Variants in XKR6 observed in about 807,000 individuals in gnomAD.
XKR6 encodes XK-related protein 6.
Under a neutral mutation model 56.7 loss-of-function variants are expected in XKR6, and 22 were observed. The observed-to-expected ratio is 0.39, with a 90% CI of 0.28 to 0.55. XKR6 has a LOEUF of 0.55. Among genes scored for constraint, XKR6 ranks in the 20% least tolerant of loss-of-function variants. The pLI is 0.66. For synonymous variants in XKR6, 524 were observed against 387.8 expected (o/e 1.35, Z -4.13); for missense variants, 852 against 889.0 (o/e 0.96, Z 0.53).
chr8:11,119,733 A>G (rs1655896533), intron 1 of XKR6, among the ~76,000 whole-genome samples: 1 of 152,172 alleles, frequency 6.6e-6, no homozygotes, highest in Non-Finnish European at 1.5e-5. Flanking sequence ...TGAATACAAC[A>G]TACTGAGAAT....
chr8:11,148,136 G>C (rs373023713), intron 1 of XKR6, among the ~76,000 whole-genome samples: 1 of 152,142 alleles, frequency 6.6e-6, no homozygotes, highest in Non-Finnish European at 1.5e-5. Flanking sequence ...CTTGAACTCA[G>C]GAGGCTGAGG....
At chr8:10,914,788 G>A (rs1249690219) in intron 2 of XKR6, among the ~76,000 whole-genome samples, 3 of 152,218 alleles carry the variant, frequency 2.0e-5, no homozygotes, top group African/African-American at 4.8e-5. Context: ...GGCTGTGGAA[G>A]CAGAGGGCTC....
At chr8:11,062,421 T>C (rs1799859213) in intron 1 of XKR6, among the ~76,000 whole-genome samples, 1 of 152,048 alleles carries the variant, frequency 6.6e-6, no homozygotes, top group East Asian at 1.9e-4. Flanking sequence ...TAGCCCCAAC[T>C]CTCCTTATCT....
intron 1 of XKR6, among the ~76,000 whole-genome samples, chr8:11,150,299 A>G (rs1460902545): frequency 1.3e-5 from 2 of 150,666 alleles, no homozygotes; most frequent in African/African-American, 4.8e-5. Context: ...ACCCAACTAG[A>G]TCATTATACA....
Position 10,949,190 on chromosome 8 carries a change from C to A in XKR6, c.765-24360G>T, listed in dbSNP as rs190012600. Among the ~76,000 whole-genome samples the A allele has an allele frequency of 4.2e-3, 641 of 152,362 alleles. 16 individuals are homozygous for A. The highest frequency in any genetic ancestry group is 0.039 in the Admixed American group (599 of 15,296). ...CTCTAGGGCCTGGAGCAAATCACCCCCCTACTCCCGCTTCCAGCCTCTCCC... is the reference window on the plus strand; with the variant it reads ...CTCTAGGGCCTGGAGCAAATCACCCACCTACTCCCGCTTCCAGCCTCTCCC... On this transcript the variant is annotated intron_variant, in intron 1 of 2. Coordinates refer to ENST00000416569, the MANE Select transcript of XKR6 (RefSeq NM_173683.4).
intron 1 of XKR6, among the ~76,000 whole-genome samples, chr8:10,925,803 C>G (rs1800865085): frequency 6.6e-6 from 1 of 152,102 alleles, no homozygotes; most frequent in Admixed American, 6.5e-5. Flanking sequence ...TATAATAACC[C>G]CAGCCTCAAT....
intron 1 of XKR6, among the ~76,000 whole-genome samples, chr8:11,196,937 A>AAGCATCTTCACCAGCCC (rs1803922407): frequency 6.6e-6 from 1 of 152,064 alleles, no homozygotes; most frequent in Non-Finnish European, 1.5e-5. Flanking sequence ...AAAAATAATA[A>AAGCATCTTCACCAGCCC]AGCATCTTCA....
At chr8:11,004,848 T>G (rs1030614865) in intron 1 of XKR6, among the ~76,000 whole-genome samples, 2 of 152,212 alleles carry the variant, frequency 1.3e-5, no homozygotes, top group African/African-American at 4.8e-5. Context: ...TGAAACATTA[T>G]TCAGCCTTAA....
chr8:11,098,186 T>G (rs1211939348), intron 1 of XKR6, among the ~76,000 whole-genome samples: 1 of 151,984 alleles, frequency 6.6e-6, no homozygotes, highest in Non-Finnish European at 1.5e-5. Context: ...AATCTGCAAT[T>G]GAACTAGATC....
At chr8:10,971,883 G>A (rs929238387) in intron 1 of XKR6, among the ~76,000 whole-genome samples, 3 of 152,190 alleles carry the variant, frequency 2.0e-5, no homozygotes, top group Admixed American at 6.5e-5. Flanking sequence ...GCTTGTTGCA[G>A]TAGGTGTCAT....
At chr8:11,159,226 T>C (rs576552445) in intron 1 of XKR6, among the ~76,000 whole-genome samples, 134 of 152,330 alleles carry the variant, frequency 8.8e-4, no homozygotes, top group African/African-American at 2.4e-3. Context: ...TCAATGACCC[T>C]TGTCCTTCAC....
At chr8:11,079,385 C>T (rs1336636952) in intron 1 of XKR6, among the ~76,000 whole-genome samples, 3 of 152,222 alleles carry the variant, frequency 2.0e-5, no homozygotes, top group African/African-American at 4.8e-5. Context: ...CTATTTTTGA[C>T]TTAAGAACTG....
At chr8:10,903,078 T>C (rs1800085487) in intron 2 of XKR6, among the ~76,000 whole-genome samples, 1 of 152,172 alleles carries the variant, frequency 6.6e-6, no homozygotes. Flanking sequence ...GGGTAGCCCT[T>C]GCCCTGGTGG....
chr8:11,130,958 A>C (rs1489277606), intron 1 of XKR6, among the ~76,000 whole-genome samples: 1 of 152,142 alleles, frequency 6.6e-6, no homozygotes, highest in Non-Finnish European at 1.5e-5. Flanking sequence ...TCTGAGCAGA[A>C]GACCAAGAAA....
chr8:11,121,701 TTA>T (rs1263235795), intron 1 of XKR6, among the ~76,000 whole-genome samples: 1 of 152,188 alleles, frequency 6.6e-6, no homozygotes, highest in Non-Finnish European at 1.5e-5. Context: ...ACCCAAAGGA[TTA>T]TAAATCATGC....
intron 1 of XKR6, among the ~76,000 whole-genome samples, chr8:11,005,993 G>A (rs556102937): frequency 1.3e-5 from 2 of 151,876 alleles, no homozygotes; most frequent in South Asian, 4.2e-4. Context: ...ACAGATGCCC[G>A]CTACCACGCC....
chr8:11,108,594 T>C (rs1798768817), intron 1 of XKR6: 16 of 329,600 alleles, frequency 4.9e-5, no homozygotes, highest in South Asian at 3.4e-4. Flanking sequence ...CCCGTGCTTC[T>C]GGGGCAGCCC....
chr8:10,945,806 G>A (rs529829672), intron 1 of XKR6, among the ~76,000 whole-genome samples: 2 of 152,262 alleles, frequency 1.3e-5, no homozygotes, highest in South Asian at 2.1e-4. Context: ...CTGGCCTAGC[G>A]CCGCGTCTCT....
intron 1 of XKR6, among the ~76,000 whole-genome samples, chr8:10,960,611 G>A (rs548190342): frequency 6.6e-6 from 1 of 152,328 alleles, no homozygotes; most frequent in East Asian, 1.9e-4. Flanking sequence ...CCCAGCCACA[G>A]GGGCATCATT....
Sources: allele counts gnomAD v4.1 joint callset (sites outside exome capture counted in the v4.1 genomes callset), GRCh38; gene constraint gnomAD v4.1.1; transcripts MANE v1.5; gene names NCBI Gene and HGNC (gene_info 2026-07-23, HGNC 2026-07-21).